Variants in MADD observed in about 807,000 individuals in gnomAD.
The protein encoded by MADD is MAP kinase-activating death domain protein.
MADD carries 109 observed loss-of-function variants against 176.7 expected under a neutral mutation model. The observed-to-expected ratio is 0.62, with a 90% confidence interval of 0.53 to 0.72. MADD has a LOEUF of 0.72. MADD is among the 30% of genes least tolerant of loss of function. The probability of loss-of-function intolerance (pLI) is 0.00; values close to 1 mark genes in which losing one functional copy is unlikely to be tolerated. For missense variants in MADD, 1,914 were observed against 2,045.5 expected, an observed-to-expected ratio of 0.94 and a Z score of 1.24; for synonymous variants, 771 against 771.3, an observed-to-expected ratio of 1.00 and a Z score of 0.01.
exon 22 of MADD, chr11:47,295,897 G>T: frequency 6.2e-7 from 1 of 1,607,662 alleles, no homozygotes; most frequent in Non-Finnish European, 8.5e-7. Context: ...TCCTTTCCAG[G>T]TGAGTAATAG....
chr11:47,281,928 G>A (rs367761107), intron 8 of MADD, among the ~76,000 whole-genome samples, 175 bp downstream of exon 8: 10 of 131,688 alleles, frequency 7.6e-5, no homozygotes, highest in East Asian at 4.9e-4. Context: ...TCCACCTCCC[G>A]GGTTCAAGTG....
intron 22 of MADD, among the ~76,000 whole-genome samples, chr11:47,299,790 A>G (rs1481326532): frequency 2.0e-5 from 3 of 152,046 alleles, no homozygotes; most frequent in African/African-American, 2.4e-5. Context: ...TTGGCCACCC[A>G]AAGTGCTAGG....
chr11:47,325,927 T>A lies in MADD; in HGVS notation c.4543-811T>A, dbSNP rs1359914196. Among the ~76,000 whole-genome samples, 1 of 152,158 alleles carries A rather than the reference T, an allele frequency of 6.6e-6. No homozygotes were observed. The highest frequency in any genetic ancestry group is 1.5e-5 in the Non-Finnish European group (1 of 68,016). On this transcript the variant is annotated intron_variant, in intron 30 of 32. Coordinates refer to ENST00000402192, the Ensembl canonical transcript of MADD. The surrounding 1 kb of genome is among the most constrained non-coding windows in gnomAD (Gnocchi z 4.5). ...CCGGGTTCTCAATCTCACCTCACAG[T>A]TAGTAATGAGATAGCGACCTGCCCC...
chr11:47,290,324 C>T (rs1421154900), intron 18 of MADD, 25 bp downstream of exon 19: 2 of 1,607,854 alleles, frequency 1.2e-6, no homozygotes, highest in Non-Finnish European at 1.7e-6. Context: ...TGCTGGGCAC[C>T]ACGCCATCCC....
chr11:47,297,308 G>T (rs755698114), intron 22 of MADD, among the ~76,000 whole-genome samples: 3 of 152,168 alleles, frequency 2.0e-5, no homozygotes, highest in African/African-American at 4.8e-5. Flanking sequence ...TGACCTCCCA[G>T]AGTGGAGATT....
At chr11:47,327,332 G>A (rs890484348) in intron 31 of MADD, 38 of 988,384 alleles carry the variant, frequency 3.8e-5, no homozygotes, top group South Asian at 1.4e-4. Context: ...GGGAGCCAGC[G>A]CTAGGGAGTG....
At chr11:47,315,353 C>T (rs940536937) in intron 27 of MADD, 26 bp downstream of exon 30, 2 of 1,439,184 alleles carry the variant, frequency 1.4e-6, no homozygotes, top group Non-Finnish European at 9.8e-7. Flanking sequence ...TGCTGGGGGC[C>T]CAAAGGGCTA....
At chr11:47,324,374 T>A in intron 29 of MADD, 37 bp downstream of exon 32, 1 of 1,611,792 alleles carries the variant, frequency 6.2e-7, no homozygotes. Context: ...CTTCCCTGTT[T>A]CTACCAGTCC....
At chr11:47,302,077 T>C (rs1002528282) in intron 22 of MADD, among the ~76,000 whole-genome samples, 6 of 152,216 alleles carry the variant, frequency 3.9e-5, no homozygotes, top group African/African-American at 7.2e-5. Flanking sequence ...CCAACTGTTA[T>C]TGTATTGGTG....
intron 20 of MADD, 99 bp downstream of exon 22, chr11:47,294,082 G>T (rs2067986485): frequency 3.0e-6 from 3 of 992,794 alleles, no homozygotes; most frequent in Non-Finnish European, 1.5e-6. Context: ...GGGCACAGTG[G>T]CTCATGCTTG....
intron 18 of MADD, 91 bp downstream of exon 19, chr11:47,290,390 C>A: frequency 6.7e-7 from 1 of 1,490,940 alleles, no homozygotes; most frequent in Non-Finnish European, 9.1e-7. Flanking sequence ...GGACACGTTT[C>A]CCAGTGCCAC....
chr11:47,290,517 C>T (rs1338646577), intron 18 of MADD, 93 bp from the exon 20 acceptor site: 43 of 1,363,264 alleles, frequency 3.2e-5, no homozygotes, highest in Middle Eastern at 4.2e-4. Flanking sequence ...TCTTCCATTC[C>T]GCACCCTCCT....
At chr11:47,274,089 T>C (rs969925221) in intron 2 of MADD, 113 bp downstream of exon 2, 7 of 1,025,306 alleles carry the variant, frequency 6.8e-6, no homozygotes, top group Non-Finnish European at 1.0e-5. Flanking sequence ...TCTCCTGTTA[T>C]TTTACCCTGA....
At chr11:47,328,133 T>C (rs2095655415) in intron 31 of MADD, 1 of 1,014,472 alleles carries the variant, frequency 9.9e-7, no homozygotes, top group African/African-American at 1.7e-5. Context: ...GTTTATATCA[T>C]GTTACCTCTT....
intron 27 of MADD, among the ~76,000 whole-genome samples, chr11:47,316,808 A>G (rs1245245644): frequency 6.6e-6 from 1 of 151,870 alleles, no homozygotes; most frequent in Non-Finnish European, 1.5e-5. Context: ...CAGTGGTCCA[A>G]ACTCAGCTCA....
chr11:47,274,674 C>T (rs747963335), exon 3 of MADD: 34 of 1,614,080 alleles, frequency 2.1e-5, no homozygotes, highest in Middle Eastern at 1.6e-4. Flanking sequence ...TCTGCCAGCC[C>T]GAGGGCTGCC....
In MADD at chr11:47,324,393, G is replaced by A. The variant is rs139611716; in HGVS notation, c.4435+56G>A. 7.2e-4 allele frequency: 1,155 copies of A among 1,606,232 alleles called. 9 individuals are homozygous for A. The African/African-American group carries it at 0.014, about 19-fold the overall frequency. Reference sequence around the variant, plus strand: ...CCTGTTTCTACCAGTCCTTCTGAGTGTCAGGGGCCTGGCAGGGAAGTCAGG... The same window carrying A: ...CCTGTTTCTACCAGTCCTTCTGAGTATCAGGGGCCTGGCAGGGAAGTCAGG... On this transcript the variant is annotated intron_variant, in intron 29 of 32. Coordinates refer to ENST00000402192, the Ensembl canonical transcript of MADD.
chr11:47,281,497 G>C, intron 7 of MADD, 78 bp from the exon 8 acceptor site: 1 of 1,195,394 alleles, frequency 8.4e-7, no homozygotes, highest in Non-Finnish European at 1.2e-6. Context: ...ACCTTAGGAA[G>C]GCCTTTTCCT....
At chr11:47,278,260 G>A (rs1389612307) in exon 6 of MADD, 1 of 1,613,464 alleles carries the variant, frequency 6.2e-7, no homozygotes, top group Non-Finnish European at 8.5e-7. Flanking sequence ...TATGGCTAGT[G>A]GATCTGGACA....
Sources: allele counts gnomAD v4.1 joint callset (sites outside exome capture counted in the v4.1 genomes callset), GRCh38; gene constraint gnomAD v4.1.1; non-coding constraint Gnocchi (gnomAD v3.1); transcripts MANE v1.5; gene names NCBI Gene and HGNC (gene_info 2026-07-23, HGNC 2026-07-21).